BEND4: variants seen among roughly 807,000 people sequenced by gnomAD.
BEND4 encodes the protein BEN domain-containing protein 4.
BEND4 carries 27 observed loss-of-function variants against 54.7 expected under a neutral mutation model. The observed-to-expected ratio is 0.49, with a 90% CI of 0.36 to 0.68. The LOEUF is 0.68. Among genes scored for constraint, BEND4 ranks in the 30% least tolerant of loss-of-function variants. BEND4 has a pLI of 0.00. For missense variants in BEND4, 702 were observed against 697.2 expected (o/e 1.01, Z -0.08); for synonymous variants, 327 against 299.5 (o/e 1.09, Z -0.95).
In BEND4 at chr4:42,125,661, G is replaced by C; in HGVS notation, c.1068C>G (p.Thr356=). Residue 356 remains threonine (T), a synonymous_variant, in exon 4 of 6, where the codon ACC becomes ACG. Transcript: ENST00000502486. ...GAACCATCTTCAAGTAATCTAAAAC[G>C]GTCTGGCAGGGCACTGGGTGGAAGA... ...KLESIPVPCQ[T]VLDYLKMVLQ... 6.2e-7 allele frequency: 1 copy of C among 1,609,650 alleles called. No homozygotes were observed.
chr4:42,144,431 T>C (rs1392719113), intron 2 of BEND4, among the ~76,000 whole-genome samples: 1 of 152,228 alleles, frequency 6.6e-6, no homozygotes, highest in African/African-American at 2.4e-5. Context: ...CCCTTGCTAT[T>C]AATCAGCTGA....
intron 3 of BEND4, among the ~76,000 whole-genome samples, chr4:42,127,589 G>A (rs984256880): frequency 1.3e-5 from 2 of 152,162 alleles, no homozygotes; most frequent in South Asian, 4.1e-4. Flanking sequence ...CTGCATTTTA[G>A]TTCCGGGTTT....
intron 5 of BEND4, among the ~76,000 whole-genome samples, chr4:42,118,477 A>T (rs996420974): frequency 2.6e-5 from 4 of 152,194 alleles, no homozygotes; most frequent in Non-Finnish European, 5.9e-5. Context: ...TGTGGCCCTA[A>T]GTGAAAAATG....
At chr4:42,136,620 C>G (rs916112213) in intron 3 of BEND4, among the ~76,000 whole-genome samples, 1 of 152,196 alleles carries the variant, frequency 6.6e-6, no homozygotes. Flanking sequence ...TTTCAGCTCT[C>G]GTAACTGTAA....
intron 3 of BEND4, among the ~76,000 whole-genome samples, chr4:42,130,479 C>CA (rs55989085): frequency 0.26 from 17,109 of 64,586 alleles, 2,025 homozygotes; most frequent in African/African-American, 0.31. Context: ...GAGTCCGTCT[C>CA]AAAAAAAAAA....
At chr4:42,131,010 A>G (rs907407588) in intron 3 of BEND4, among the ~76,000 whole-genome samples, 2 of 152,218 alleles carry the variant, frequency 1.3e-5, no homozygotes, top group Non-Finnish European at 2.9e-5. Flanking sequence ...AGTGTGAGCT[A>G]AACAACGAGA....
In BEND4 at chr4:42,135,027, G is replaced by A. The variant is rs549694229; in HGVS notation, c.1054+8401C>T. ...CTCCATAGACTATTTGAAGCCCTTAGAGGCTCTTTGGCAGTGGGTGACCTG... is the reference window on the plus strand; with the variant it reads ...CTCCATAGACTATTTGAAGCCCTTAAAGGCTCTTTGGCAGTGGGTGACCTG... On this transcript the variant is annotated intron_variant, in intron 3 of 5. Coordinates refer to ENST00000502486, the MANE Select transcript of BEND4 (RefSeq NM_207406.4). Among the ~76,000 whole-genome samples the A allele has an allele frequency of 4.6e-5, 7 of 152,328 alleles. No homozygotes were observed. The East Asian group carries it at 5.8e-4, about 13-fold the overall frequency.
chr4:42,152,421 C>T (rs1187215314), intron 1 of BEND4, 45 bp from the exon 2 acceptor site: 1 of 204,902 alleles, frequency 4.9e-6, no homozygotes, highest in Non-Finnish European at 9.7e-6. Context: ...AGGGTAATAT[C>T]TGCTAATGAT....
At position 42,141,142 on chromosome 4, in the gene BEND4, G is replaced by T. The variant is rs1345591649; in HGVS notation, c.1054+2286C>A. ...TCTGTCTTGCAGTCGGTGCCTGCCT[G>T]GCGTGGGAAAACACTACTCGTCTGC... On this transcript the variant is annotated intron_variant, in intron 3 of 5. Transcript: ENST00000502486. Among the ~76,000 whole-genome samples, 3 of 152,130 alleles carry T rather than the reference G, an allele frequency of 2.0e-5. No individual in the cohort carries two copies. The East Asian group carries it at 5.8e-4, about 29-fold the overall frequency.
At position 42,117,368 on chromosome 4, in the gene BEND4, A is replaced by G. The variant is rs1039153955; in HGVS notation, c.*150T>C. 1.6e-6 allele frequency: 1 copy of G among 616,086 alleles called. No homozygotes were observed. Among genetic ancestry groups the G allele is most frequent in the Non-Finnish European group, 2.8e-6 (1 of 352,480 alleles). 38.2% of individuals were successfully genotyped at this position (616,086 alleles called of 1,614,324 possible). Reference sequence around the variant, plus strand: ...TGCCACAGACTTCCCAAACAACCCTAAAATGGATTTCTATTTGGGTACTGT... The same window carrying G: ...TGCCACAGACTTCCCAAACAACCCTGAAATGGATTTCTATTTGGGTACTGT... On this transcript the variant is annotated 3_prime_UTR_variant, in exon 6 of 6. Transcript: ENST00000502486.
At position 42,143,879 on chromosome 4, in the gene BEND4, T is replaced by A; in HGVS notation, c.603A>T (p.Val201=). 2 of 1,545,782 alleles carry A rather than the reference T, an allele frequency of 1.3e-6. No homozygotes were observed. The highest frequency in any genetic ancestry group is 1.7e-6 in the Non-Finnish European group (2 of 1,149,822). The part of the protein sequence containing the change: ...SNHSQSMISC[V]KQEGSSYNER... The stretch of plus-strand genomic sequence containing the variant: ...CGTTGTAACTTGAGCCTTCCTGCTT[T>A]ACGCAAGAAATCATGGACTGAGAAT... Residue 201 remains valine, a synonymous_variant, in exon 3 of 6, where the codon GTA becomes GTT. Transcript: ENST00000502486.
At chr4:42,141,008 G>T (rs1046217297) in intron 3 of BEND4, among the ~76,000 whole-genome samples, 1 of 151,588 alleles carries the variant, frequency 6.6e-6, no homozygotes, top group African/African-American at 2.4e-5. Context: ...TGGTTACACA[G>T]CTGTGAGACT....
intron 2 of BEND4, among the ~76,000 whole-genome samples, chr4:42,146,549 T>G (rs1475762230): frequency 6.6e-6 from 1 of 152,220 alleles, no homozygotes; most frequent in South Asian, 2.1e-4. Flanking sequence ...AGCCAACAGC[T>G]GAACTATACA....
chr4:42,133,219 C>A (rs1288761765), intron 3 of BEND4, among the ~76,000 whole-genome samples: 1 of 152,188 alleles, frequency 6.6e-6, no homozygotes, highest in South Asian at 2.1e-4. Flanking sequence ...GGCAGCTGTA[C>A]TGTCTAAGCA....
Position 42,151,882 on chromosome 4 carries a change from G to C in BEND4, c.262C>G (p.Pro88Ala), listed in dbSNP as rs982070468. Residue 88 changes from proline to alanine, a missense_variant, in exon 2 of 6, where the codon CCC (proline) becomes GCC (alanine). Coordinates refer to ENST00000502486, the MANE Select transcript of BEND4 (RefSeq NM_207406.4). ...GCGGCGGCGGCCCGGCCGGGCCCGG[G>C]GGGGTAGGAGCTCTGCGCCTGGAAC... is the stretch of plus-strand genomic sequence containing the variant. ...QQFQAQSSYPPGPGRAAAAAS... is the reference protein window; with the variant it reads ...QQFQAQSSYPAGPGRAAAAAS... 5.3e-5 allele frequency: 69 copies of C among 1,305,574 alleles called. No individual in the cohort carries two copies. The highest frequency in any genetic ancestry group is 3.8e-4 in the Admixed American group (9 of 23,740). 80.9% of individuals were successfully genotyped at this position (1,305,574 alleles called of 1,614,324 possible). A position where few individuals can be genotyped will look rare whatever the true frequency, so the allele number is the denominator to read the frequency against.
intron 2 of BEND4, among the ~76,000 whole-genome samples, chr4:42,145,073 T>C (rs1721029162): frequency 6.6e-6 from 1 of 152,186 alleles, no homozygotes; most frequent in African/African-American, 2.4e-5. Flanking sequence ...CCTATAACTA[T>C]TGTTTAAGAT....
intron 2 of BEND4, among the ~76,000 whole-genome samples, chr4:42,146,995 G>A (rs952707150): frequency 1.3e-5 from 2 of 152,126 alleles, no homozygotes; most frequent in Non-Finnish European, 2.9e-5. Context: ...GTAACATGCT[G>A]AGAAAAAATC....
In BEND4 at chr4:42,143,582, T is replaced by G; in HGVS notation, c.900A>C (p.Glu300Asp). ...LGGWTSPATS[E>D]SHGHPSSSTL... The stretch of plus-strand genomic sequence containing the variant: ...TAGATGAAGATGGGTGGCCATGGGA[T>G]TCGGACGTTGCTGGGGAAGTCCAGC... The change falls in exon 3 of 6, where the codon GAA becomes GAC. Residue 300 changes from glutamate (E) to aspartate (D), a missense_variant. Transcript: ENST00000502486. 6.3e-7 allele frequency: 1 copy of G among 1,579,230 alleles called. No individual in the cohort carries two copies. Among genetic ancestry groups the G allele is most frequent in the Non-Finnish European group, 8.6e-7 (1 of 1,162,228 alleles).
At chr4:42,151,511 G>T in intron 2 of BEND4, 146 bp downstream of exon 2, 1 of 817,466 alleles carries the variant, frequency 1.2e-6, no homozygotes, top group Non-Finnish European at 1.7e-6. Flanking sequence ...AAGTTTCCGG[G>T]TGCGCGGGGA....
Sources: allele counts gnomAD v4.1 joint callset (sites outside exome capture counted in the v4.1 genomes callset), GRCh38; gene constraint gnomAD v4.1.1; transcripts MANE v1.5; gene names NCBI Gene and HGNC (gene_info 2026-07-23, HGNC 2026-07-21).